Variants in GPRIN1 observed in about 807,000 individuals in gnomAD.
GPRIN1 encodes the protein G protein regulated inducer of neurite outgrowth 1.
In GPRIN1, 4 loss-of-function variants were observed where a neutral mutation model predicts 2.8. The observed-to-expected ratio is 1.45, with a 90% CI of 0.71 to 3.32. The LOEUF is 3.32. Among genes scored for constraint, GPRIN1 ranks in the 30% most tolerant of loss-of-function variants. GPRIN1 has a pLI of 0.01. For synonymous variants in GPRIN1, 589 were observed against 589.9 expected, an observed-to-expected ratio of 1.00 and a Z score of 0.02; for missense variants, 1,322 against 1,343.4, an observed-to-expected ratio of 0.98 and a Z score of 0.25.
In GPRIN1 at chr5:176,596,905, T is replaced by A. The variant is rs1388938368; in HGVS notation, c.2930A>T (p.Asp977Val). ...RSGSVRTAPP[D>V]GAAKRPPGLF... Reference sequence around the variant, plus strand: ...GCCGGGCGGACGCTTGGCGGCGCCATCTGGGGGCGCGGTGCGCACCGAGCC... The same window carrying A: ...GCCGGGCGGACGCTTGGCGGCGCCAACTGGGGGCGCGGTGCGCACCGAGCC... The change falls in exon 2 of 2, where the codon GAT (aspartate) becomes GTT (valine). Residue 977 changes from aspartate to valine, a missense_variant. Coordinates refer to ENST00000303991, the MANE Select transcript of GPRIN1 (RefSeq NM_052899.3). This position sits in a 1 kb window ranked among gnomAD's most constrained non-coding sequence, Gnocchi z 5.2. 1.6e-6 allele frequency: 2 copies of A among 1,237,316 alleles called. No individual in the cohort carries two copies. Among genetic ancestry groups the A allele is most frequent in the Admixed American group, 4.2e-5 (1 of 23,924 alleles). The allele number at this position is 1,237,316 out of a possible 1,614,324, so 76.6% of individuals were successfully genotyped here.
At chr5:176,609,683 C>T (rs901340118) in intron 1 of GPRIN1, among the ~76,000 whole-genome samples, 44 of 152,114 alleles carry the variant, frequency 2.9e-4, no homozygotes, top group African/African-American at 1.1e-3. Flanking sequence ...CAGCGGGCGG[C>T]GGCAAGGCCG....
chr5:176,600,530 T>C (rs1759129872), intron 1 of GPRIN1, among the ~76,000 whole-genome samples: 1 of 151,984 alleles, frequency 6.6e-6, no homozygotes, highest in African/African-American at 2.4e-5. Flanking sequence ...TGTCCGGGGG[T>C]CAAGTAGGTA....
At chr5:176,604,454 C>T (rs537020533) in intron 1 of GPRIN1, among the ~76,000 whole-genome samples, 5 of 151,418 alleles carry the variant, frequency 3.3e-5, no homozygotes, top group South Asian at 4.2e-4. Context: ...GGCGCGATCT[C>T]GGCTCACTGC....
chr5:176,600,293 A>G (rs929983295), intron 1 of GPRIN1, among the ~76,000 whole-genome samples: 2 of 151,984 alleles, frequency 1.3e-5, no homozygotes, highest in Admixed American at 1.3e-4. Flanking sequence ...CGCCCAGCTA[A>G]TTTTGTATTT....
Position 176,598,475 on chromosome 5 carries a change from C to G in GPRIN1, c.1360G>C (p.Gly454Arg). ...SVGKAGTVSP[G>R]KEDPVSSRRE... is the part of the protein sequence containing the mutation. Reference sequence around the variant, plus strand: ...CTGGAGGACACCGGGTCCTCTTTTCCTGGGGATACAGTTCCTGCCTTTCCC... The same window carrying G: ...CTGGAGGACACCGGGTCCTCTTTTCGTGGGGATACAGTTCCTGCCTTTCCC... The change falls in exon 2 of 2, where the codon GGA becomes CGA. Residue 454 changes from glycine to arginine, a missense_variant. Transcript: ENST00000303991. 2 of 1,614,116 alleles carry G rather than the reference C, an allele frequency of 1.2e-6. No homozygotes were observed. Among genetic ancestry groups the G allele is most frequent in the Non-Finnish European group, 1.7e-6 (2 of 1,180,046 alleles).
Position 176,602,128 on chromosome 5 carries a change from C to T in GPRIN1, c.-43-2251G>A, listed in dbSNP as rs1175483228. Among the ~76,000 whole-genome samples, 1 of 152,196 alleles carries T rather than the reference C, an allele frequency of 6.6e-6. No individual in the cohort carries two copies. Among genetic ancestry groups the T allele is most frequent in the Non-Finnish European group, 1.5e-5 (1 of 68,044 alleles). ...CAGCCACGCGGGGTGCCTCGCTGTG[C>T]GCCTTGCTGTGCCTTGAACACGCCT... is the stretch of plus-strand genomic sequence containing the variant. On this transcript the variant is annotated intron_variant, in intron 1 of 1. Coordinates refer to ENST00000303991, the MANE Select transcript of GPRIN1 (RefSeq NM_052899.3). The surrounding 1 kb of genome is among the most constrained non-coding windows in gnomAD (Gnocchi z 4.4).
rs754629710 is a variant in GPRIN1, at chr5:176,599,422, TCA to T, written c.411_412del (p.Glu138AlafsTer6). 6.2e-7 allele frequency: 1 copy of T among 1,614,240 alleles called. No homozygotes were observed. The highest frequency in any genetic ancestry group is 8.5e-7 in the Non-Finnish European group (1 of 1,180,052). ...ATTTCTGTCATCTGAGGATTTGGGC[TCA>T]GTTTTCACGGAGGACACAGGCTCTG... On this transcript the variant is annotated frameshift_variant, in exon 2 of 2. Transcript: ENST00000303991. LOFTEE classifies it low-confidence loss of function (END_TRUNC).
chr5:176,600,641 C>T (rs999966400), intron 1 of GPRIN1, among the ~76,000 whole-genome samples: 3 of 152,118 alleles, frequency 2.0e-5, no homozygotes, highest in Non-Finnish European at 2.9e-5. Flanking sequence ...TGGCCGGGTG[C>T]GGCGGCTCAC....
At chr5:176,607,022 G>A (rs984321436) in intron 1 of GPRIN1, among the ~76,000 whole-genome samples, 3 of 152,204 alleles carry the variant, frequency 2.0e-5, no homozygotes, top group Non-Finnish European at 4.4e-5. Context: ...GTGGGGTCAA[G>A]CCCCAGCTTA....
intron 1 of GPRIN1, among the ~76,000 whole-genome samples, chr5:176,600,817 G>A (rs768041674): frequency 1.3e-5 from 2 of 152,200 alleles, no homozygotes; most frequent in African/African-American, 2.4e-5. Context: ...TCAGGAGGCC[G>A]AGGCAGGAGA....
At chr5:176,608,185 A>T (rs932607982) in intron 1 of GPRIN1, among the ~76,000 whole-genome samples, 1 of 151,528 alleles carries the variant, frequency 6.6e-6, no homozygotes, top group Non-Finnish European at 1.5e-5. Flanking sequence ...TTCTCAAAGT[A>T]TTGGGATTAC....
At chr5:176,605,108 T>A (rs1759204753) in intron 1 of GPRIN1, among the ~76,000 whole-genome samples, 1 of 150,142 alleles carries the variant, frequency 6.7e-6, no homozygotes, top group African/African-American at 2.5e-5. Flanking sequence ...TTTTTTTTTT[T>A]TTTGAGACAG....
Position 176,598,120 on chromosome 5 carries a change from A to G in GPRIN1, c.1715T>C (p.Ile572Thr), listed in dbSNP as rs768096745. 10 of 1,612,810 alleles carry G rather than the reference A, an allele frequency of 6.2e-6. No individual in the cohort carries two copies. The Admixed American group carries it at 1.5e-4, about 24-fold the overall frequency. The change falls in exon 2 of 2, where the codon ATA (isoleucine) becomes ACA (threonine). Residue 572 changes from isoleucine to threonine, a missense_variant. Coordinates refer to ENST00000303991, the MANE Select transcript of GPRIN1 (RefSeq NM_052899.3). The stretch of plus-strand genomic sequence containing the variant: ...TCCTGGAGTTGAGACCACTTTACCT[A>G]TAGACACAGAGTCCCCTTGTCCAGA... ...GPSGQGDSVS[I>T]GKVVSTPGKT...
At position 176,596,843 on chromosome 5, in the gene GPRIN1, G is replaced by C; in HGVS notation, c.2992C>G (p.Arg998Gly). Residue 998 changes from arginine to glycine, a missense_variant, in exon 2 of 2, where the codon CGG (arginine) becomes GGG (glycine). Coordinates refer to ENST00000303991, the MANE Select transcript of GPRIN1 (RefSeq NM_052899.3). This position sits in a 1 kb window ranked among gnomAD's most constrained non-coding sequence, Gnocchi z 5.2. The part of the protein sequence containing the change: ...RALLQSVRRP[R>G]CCSRAGPTAE ...GTGGGTCCCGCCCGCGAGCAGCACC[G>C]CGGCCGGCGCACACTCTGCAGCAGC... 7.1e-7 allele frequency: 1 copy of C among 1,407,886 alleles called. No individual in the cohort carries two copies. 87.2% of individuals were successfully genotyped at this position (1,407,886 alleles called of 1,614,324 possible). A position where few individuals can be genotyped will look rare whatever the true frequency, so the allele number is the denominator to read the frequency against.
At position 176,609,988 on chromosome 5, in the gene GPRIN1, G is replaced by T. The variant is rs1759289308; in HGVS notation, c.-44+11C>A. The T allele has an allele frequency of 6.6e-6, 1 of 151,904 alleles. No individual in the cohort carries two copies. Among genetic ancestry groups the T allele is most frequent in the South Asian group, 1.8e-4 (1 of 5,654 alleles). 9.4% of individuals were successfully genotyped at this position (151,904 alleles called of 1,614,324 possible). A position where few individuals can be genotyped will look rare whatever the true frequency, so the allele number is the denominator to read the frequency against. On this transcript the variant is annotated intron_variant, in intron 1 of 1. Transcript: ENST00000303991. ...GCCCGGAAAGACAGCGGGTGTGGGC[G>T]CGGCGCTTACCAGGCAGTGCCGCTG... is the stretch of plus-strand genomic sequence containing the variant.
At position 176,597,017 on chromosome 5, in the gene GPRIN1, T is replaced by C. The variant is rs773053822; in HGVS notation, c.2818A>G (p.Lys940Glu). 6 of 1,475,434 alleles carry C rather than the reference T, an allele frequency of 4.1e-6. No individual in the cohort carries two copies. The highest frequency in any genetic ancestry group is 5.4e-6 in the Non-Finnish European group (6 of 1,108,338). 91.4% of individuals were successfully genotyped at this position (1,475,434 alleles called of 1,614,324 possible). Residue 940 changes from lysine to glutamate, a missense_variant, in exon 2 of 2, where the codon AAG becomes GAG. By Grantham distance (56) the Lys-to-Glu change is moderately conservative. This residue lies in a region of GPRIN1 where 196 missense variants were observed against 189.2 expected (regional missense o/e 1.04). Coordinates refer to ENST00000303991, the MANE Select transcript of GPRIN1 (RefSeq NM_052899.3). This position sits in a 1 kb window ranked among gnomAD's most constrained non-coding sequence, Gnocchi z 6.1. ...TCCTCGATCTGTCGCTCCAGATGCT[T>C]CTGGATGGCCATGCCCAGCACCTCC... ...EVEVLGMAIQ[K>E]HLERQIEEHG...
In GPRIN1 at chr5:176,599,814, C is replaced by T. The variant is rs558770081; in HGVS notation, c.21G>A (p.Pro7=). Reference sequence around the variant, plus strand: ...CCTTTTGAAGCAGCTGGAGCCAGGCCGGGTCTTCAGCAGTGTCCATCTGCC... The same window carrying T: ...CCTTTTGAAGCAGCTGGAGCCAGGCTGGGTCTTCAGCAGTGTCCATCTGCC... MDTAED[P]AWLQLLQKDS... The change falls in exon 2 of 2, where the codon CCG becomes CCA. Residue 7 remains proline, a synonymous_variant. Coordinates refer to ENST00000303991, the MANE Select transcript of GPRIN1 (RefSeq NM_052899.3). The T allele has an allele frequency of 1.5e-5, 22 of 1,492,254 alleles. No homozygotes were observed. Among genetic ancestry groups the T allele is most frequent in the Non-Finnish European group, 1.5e-5 (17 of 1,119,302 alleles). 92.4% of individuals were successfully genotyped at this position (1,492,254 alleles called of 1,614,324 possible). A position where few individuals can be genotyped will look rare whatever the true frequency, so the allele number is the denominator to read the frequency against.
chr5:176,605,836 A>G (rs1759213811), intron 1 of GPRIN1, among the ~76,000 whole-genome samples: 1 of 152,022 alleles, frequency 6.6e-6, no homozygotes, highest in South Asian at 2.1e-4. Context: ...AGAGAGAGAA[A>G]GGGCCCAGGC....
intron 1 of GPRIN1, among the ~76,000 whole-genome samples, chr5:176,605,522 C>T (rs1305147144): frequency 6.6e-6 from 1 of 152,172 alleles, no homozygotes; most frequent in East Asian, 1.9e-4. Flanking sequence ...AGGGAAAGGG[C>T]CCTGGGGCGG....
Sources: gnomAD v4.1 joint callset for allele counts (sites outside exome capture counted in the v4.1 genomes callset) on GRCh38, gnomAD v4.1.1 for gene constraint, gnomAD v4.1.1 regional missense constraint, Gnocchi (gnomAD v3.1) non-coding constraint, MANE v1.5 for transcripts, NCBI Gene and HGNC (gene_info 2026-07-23, HGNC 2026-07-21) for gene names.